PRELID2: variants seen among roughly 807,000 people sequenced by gnomAD.
PRELID2 encodes the protein PRELI domain containing 2, also known as PRELI domain-containing protein 2.
In PRELID2, 25 loss-of-function variants were observed where a neutral mutation model predicts 28.4. That is an observed-to-expected ratio of 0.88 (90% CI 0.64 to 1.23). The LOEUF is 1.23. Among genes scored for constraint, PRELID2 ranks in the 50% most tolerant of loss-of-function variants. The pLI, the probability that PRELID2 is intolerant of heterozygous loss-of-function variation, is 0.00. For synonymous variants in PRELID2, 76 were observed against 71.6 expected (o/e 1.06, Z -0.31); for missense variants, 201 against 214.4 (o/e 0.94, Z 0.39).
In PRELID2 at chr5:145,743,782, G is replaced by A. The variant is rs138726384; in HGVS notation, n.70+21149C>T. Among the ~76,000 whole-genome samples, 405 of 152,338 alleles carry A rather than the reference G, an allele frequency of 2.7e-3. 3 individuals carry two copies. Among genetic ancestry groups the A allele is most frequent in the African/African-American group, 9.3e-3 (388 of 41,584 alleles). ...TCAACAGCCTCTCAGCCTCTCAGCT[G>A]GAATCTACTTAAGCCTACCCAGCTC... is the stretch of plus-strand genomic sequence containing the variant. On this transcript the variant is annotated intron_variant and non_coding_transcript_variant, in intron 1 of 2. Transcript: ENST00000510259.
chr5:145,305,127 A>G, the PRELID2 span, among the ~76,000 whole-genome samples: 5 of 152,210 alleles, frequency 3.3e-5, no homozygotes, highest in Non-Finnish European at 1.5e-5. Context: ...ATTTTAAAGC[A>G]TAAACATAGG....
chr5:145,321,268 A>C, the PRELID2 span, among the ~76,000 whole-genome samples: 1 of 152,204 alleles, frequency 6.6e-6, no homozygotes, highest in East Asian at 1.9e-4. Context: ...AAAGTTACTA[A>C]GGAGGAAGTT....
chr5:145,712,291 T>G (rs1470110810), intron 1 of PRELID2, among the ~76,000 whole-genome samples: 1 of 152,236 alleles, frequency 6.6e-6, no homozygotes, highest in African/African-American at 2.4e-5. Context: ...TTTTACGGTA[T>G]TTTATAATTT....
intron 1 of PRELID2, among the ~76,000 whole-genome samples, chr5:145,492,180 A>C (rs190039521): frequency 6.6e-6 from 1 of 152,198 alleles, no homozygotes; most frequent in African/African-American, 2.4e-5. Flanking sequence ...CCTTTTCTCC[A>C]CATTATCTCC....
At chr5:145,313,377 G>A in the PRELID2 span, among the ~76,000 whole-genome samples, 1 of 152,168 alleles carries the variant, frequency 6.6e-6, no homozygotes, top group Admixed American at 6.5e-5. Flanking sequence ...TTTGAGAAGG[G>A]AGGAAAGGGC....
chr5:145,676,220 C>CAAAAAAA, intron 1 of PRELID2, among the ~76,000 whole-genome samples: 1 of 53,618 alleles, frequency 1.9e-5, no homozygotes, highest in Non-Finnish European at 4.3e-5. Context: ...AACTCCATCT[C>CAAAAAAA]AAAAAAAAAA....
intron 1 of PRELID2, among the ~76,000 whole-genome samples, chr5:145,515,718 G>T (rs1378561082): frequency 6.6e-6 from 1 of 152,164 alleles, no homozygotes; most frequent in Admixed American, 6.5e-5. Context: ...TATACCTGAT[G>T]AACATCAATG....
At chr5:145,545,642 T>C (rs1752780008) in intron 1 of PRELID2, among the ~76,000 whole-genome samples, 1 of 152,136 alleles carries the variant, frequency 6.6e-6, no homozygotes, top group Admixed American at 6.6e-5. Flanking sequence ...GGAAAGGGCC[T>C]TGGCCTCGGT....
the PRELID2 span, among the ~76,000 whole-genome samples, chr5:145,387,078 A>G: frequency 6.6e-6 from 1 of 152,238 alleles, no homozygotes; most frequent in African/African-American, 2.4e-5. Flanking sequence ...TCAATAAATC[A>G]ATAGATATTT....
intron 1 of PRELID2, among the ~76,000 whole-genome samples, chr5:145,548,614 C>A (rs553784901): frequency 6.6e-6 from 1 of 152,256 alleles, no homozygotes; most frequent in East Asian, 1.9e-4. Context: ...GAGCCCACTT[C>A]TAAATCTCTG....
At chr5:145,357,003 G>A in the PRELID2 span, among the ~76,000 whole-genome samples, 1 of 152,104 alleles carries the variant, frequency 6.6e-6, no homozygotes. Context: ...ATGAAGTTTA[G>A]TTTGGCTGTA....
At chr5:145,597,789 C>G (rs1329472459) in intron 1 of PRELID2, among the ~76,000 whole-genome samples, 1 of 152,124 alleles carries the variant, frequency 6.6e-6, no homozygotes, top group Non-Finnish European at 1.5e-5. Context: ...ACTGCACCTG[C>G]AAGATTTATT....
intron 1 of PRELID2, among the ~76,000 whole-genome samples, chr5:145,525,016 T>G (rs1242238541): frequency 6.6e-6 from 1 of 152,210 alleles, no homozygotes; most frequent in Non-Finnish European, 1.5e-5. Context: ...ATCCTAATGC[T>G]AATATCAATA....
intron 1 of PRELID2, among the ~76,000 whole-genome samples, chr5:145,576,121 T>C (rs190457824): frequency 6.6e-6 from 1 of 152,318 alleles, no homozygotes; most frequent in African/African-American, 2.4e-5. Flanking sequence ...TTTATTAGTA[T>C]ATAATTCATG....
chr5:145,400,324 G>A, the PRELID2 span, among the ~76,000 whole-genome samples: 33 of 152,150 alleles, frequency 2.2e-4, no homozygotes, highest in African/African-American at 7.0e-4. Flanking sequence ...GCTTCAGGCT[G>A]AGGAAAGTTC....
intron 1 of PRELID2, among the ~76,000 whole-genome samples, chr5:145,688,739 G>T (rs1050557145): frequency 2.6e-5 from 4 of 152,208 alleles, no homozygotes; most frequent in African/African-American, 7.2e-5. Context: ...TGTACCTAGA[G>T]CGTAAGGTGC....
chr5:145,629,035 C>A (rs996095579), intron 1 of PRELID2, among the ~76,000 whole-genome samples: 3 of 152,154 alleles, frequency 2.0e-5, no homozygotes, highest in African/African-American at 7.2e-5. Context: ...TTCCTGGTCC[C>A]AGAAGAGTAA....
intron 1 of PRELID2, among the ~76,000 whole-genome samples, chr5:145,568,088 C>T (rs766248113): frequency 5.9e-5 from 9 of 152,178 alleles, no homozygotes; most frequent in Admixed American, 1.3e-4. Flanking sequence ...AGGAATGCTC[C>T]TGCTGGCAGA....
intron 1 of PRELID2, among the ~76,000 whole-genome samples, chr5:145,602,978 G>A (rs1477578895): frequency 5.3e-5 from 8 of 152,118 alleles, no homozygotes; most frequent in Non-Finnish European, 1.0e-4. Context: ...CTTGAACCCA[G>A]GAGGCGGAGG....
Sources: gnomAD v4.1 joint callset for allele counts (sites outside exome capture counted in the v4.1 genomes callset) on GRCh38, gnomAD v4.1.1 for gene constraint, MANE v1.5 for transcripts, NCBI Gene and HGNC (gene_info 2026-07-23, HGNC 2026-07-21) for gene names.